Variants in KLHDC2 observed in about 807,000 individuals in gnomAD.
KLHDC2 encodes kelch domain-containing protein 2.
A neutral mutation model predicts 62.3 loss-of-function variants in KLHDC2; 38 were observed. That is an observed-to-expected ratio of 0.61 (90% CI 0.47 to 0.80). The LOEUF is 0.80. Among genes scored for constraint, KLHDC2 ranks in the 30% least tolerant of loss-of-function variants. The pLI is 0.00. For synonymous variants in KLHDC2, 159 were observed against 161.0 expected (o/e 0.99, Z 0.09); for missense variants, 430 against 495.3 (o/e 0.87, Z 1.25).
At chr14:49,779,030 T>C (rs1889831271) in intron 6 of KLHDC2, among the ~76,000 whole-genome samples, 1 of 152,170 alleles carries the variant, frequency 6.6e-6, no homozygotes. Context: ...ACCTATCTAA[T>C]ACACTTTACG....
intron 2 of KLHDC2, among the ~76,000 whole-genome samples, chr14:49,773,903 C>T (rs1379040575): frequency 6.6e-6 from 1 of 152,106 alleles, no homozygotes; most frequent in Non-Finnish European, 1.5e-5. Context: ...AAAAAATGAG[C>T]CTTCTAAAAC....
Position 49,768,540 on chromosome 14 carries a change from G to A in KLHDC2, c.72G>A (p.Met24Ile), listed in dbSNP as rs1460911240. 1 of 1,610,640 alleles carries A rather than the reference G, an allele frequency of 6.2e-7. No individual in the cohort carries two copies. The highest frequency in any genetic ancestry group is 8.5e-7 in the Non-Finnish European group (1 of 1,178,892). Residue 24 changes from methionine to isoleucine, a missense_variant, in exon 1 of 13, where the codon ATG becomes ATA. Met to Ile is a conservative substitution (Grantham distance 10). Coordinates refer to ENST00000298307, the MANE Select transcript of KLHDC2 (RefSeq NM_014315.3). ...PGPAFESYES[M>I]ELACPAERSG... ...CAGCCTTCGAGAGCTATGAGTCCAT[G>A]GAGCTTGCCTGCCCCGCTGAGCGCA...
chr14:49,782,847 TCATTTGCTTTAA>T lies in KLHDC2; in HGVS notation c.1116_1127del (p.Ile373_Lys376del). The T allele has an allele frequency of 6.2e-7, 1 of 1,613,834 alleles. No individual in the cohort carries two copies. The highest frequency in any genetic ancestry group is 8.5e-7 in the Non-Finnish European group (1 of 1,179,830). Reference sequence around the variant, plus strand: ...ACTTTCAGGCTAAGCTTAGAAGCAGTCATTTGCTTTAAAGAAATGTTAGCCAACTCATGGAAC... The same window carrying T: ...ACTTTCAGGCTAAGCTTAGAAGCAGTAGAAATGTTAGCCAACTCATGGAAC... On this transcript the variant is annotated inframe_deletion, in exon 13 of 13. Coordinates refer to ENST00000298307, the MANE Select transcript of KLHDC2 (RefSeq NM_014315.3).
chr14:49,777,287 T>C (rs1231936706), intron 3 of KLHDC2, among the ~76,000 whole-genome samples: 3 of 152,066 alleles, frequency 2.0e-5, no homozygotes, highest in Non-Finnish European at 2.9e-5. Flanking sequence ...AGACTACACA[T>C]TGGGTACAGT....
At position 49,785,375 on chromosome 14, in the gene KLHDC2, A is replaced by T. The variant is rs1271319202; in HGVS notation, c.*2422A>T. 6 of 1,165,574 alleles carry T rather than the reference A, an allele frequency of 5.1e-6. No homozygotes were observed. The highest frequency in any genetic ancestry group is 7.8e-6 in the Non-Finnish European group (6 of 772,600). The allele number at this position is 1,165,574 out of a possible 1,614,324, so 72.2% of individuals were successfully genotyped here. The stretch of plus-strand genomic sequence containing the variant: ...CAATTTATACCGCCCTTTACAAAAA[A>T]TGCTAAAACACTTGAATTAGTATCT... On this transcript the variant is annotated 3_prime_UTR_variant, in exon 13 of 13. Coordinates refer to ENST00000298307, the MANE Select transcript of KLHDC2 (RefSeq NM_014315.3).
At position 49,777,731 on chromosome 14, in the gene KLHDC2, T is replaced by C. The variant is rs1889802600; in HGVS notation, c.352-108T>C. The C allele has an allele frequency of 1.1e-5, 7 of 614,798 alleles. No homozygotes were observed. The Middle Eastern group carries it at 9.0e-4, about 79-fold the overall frequency. The allele number at this position is 614,798 out of a possible 1,614,324, so 38.1% of individuals were successfully genotyped here. ...AGCCAGTCTGCAGTCACAATTTCAG[T>C]AGCACTGAATTAGATGGCACTCTTA... On this transcript the variant is annotated intron_variant, in intron 3 of 12. Transcript: ENST00000298307.
rs750242922 is a variant in KLHDC2, at chr14:49,784,706, T to C, written c.*1753T>C. On this transcript the variant is annotated 3_prime_UTR_variant, in exon 13 of 13. Coordinates refer to ENST00000298307, the MANE Select transcript of KLHDC2 (RefSeq NM_014315.3). Reference sequence around the variant, plus strand: ...TTTGCCAGGAATGTTTCTTGATAAATCTGTGTCCTAAAAAAAGAAAATTGC... The same window carrying C: ...TTTGCCAGGAATGTTTCTTGATAAACCTGTGTCCTAAAAAAAGAAAATTGC... The C allele has an allele frequency of 1.2e-6, 2 of 1,612,512 alleles. No homozygotes were observed. Among genetic ancestry groups the C allele is most frequent in the Admixed American group, 1.7e-5 (1 of 59,902 alleles).
At chr14:49,779,712 A>G (rs769084160) in intron 7 of KLHDC2, 36 bp from the exon 8 acceptor site, 12 of 1,610,672 alleles carry the variant, frequency 7.5e-6, no homozygotes, top group Non-Finnish European at 1.0e-5. Context: ...TTGCTTTTGA[A>G]TTCTTCAAAA....
chr14:49,780,408 G>C (rs1328947540), intron 9 of KLHDC2, 86 bp downstream of exon 9: 15 of 928,270 alleles, frequency 1.6e-5, no homozygotes, highest in Non-Finnish European at 2.6e-5. Flanking sequence ...AGACTGATGA[G>C]ACGGCTTATA....
In KLHDC2 at chr14:49,779,750, T is replaced by C; in HGVS notation, c.717T>C (p.Asp239=). 6.2e-7 allele frequency: 1 copy of C among 1,610,584 alleles called. No homozygotes were observed. Among genetic ancestry groups the C allele is most frequent in the Non-Finnish European group, 8.5e-7 (1 of 1,177,276 alleles). ...RGFVFGGRYR[D]ARMNDLHYLN... ...ATAACTTAATTATCCTTTTTTAGGA[T>C]GCTAGAATGAATGATCTTCACTATC... The change falls in exon 8 of 13, where the codon GAT becomes GAC. Residue 239 remains aspartate (D), a splice_region_variant and synonymous_variant. Coordinates refer to ENST00000298307, the MANE Select transcript of KLHDC2 (RefSeq NM_014315.3).
At chr14:49,769,436 C>G (rs563065977) in intron 1 of KLHDC2, among the ~76,000 whole-genome samples, 1 of 152,294 alleles carries the variant, frequency 6.6e-6, no homozygotes, top group African/African-American at 2.4e-5. Context: ...TGTTCTCCGC[C>G]CTCCCCACGC....
chr14:49,769,041 G>A (rs1165391566), intron 1 of KLHDC2: 5 of 159,974 alleles, frequency 3.1e-5, no homozygotes, highest in Non-Finnish European at 6.8e-5. Flanking sequence ...GCTGGGAACC[G>A]CTGCCCACTT....
intron 10 of KLHDC2, among the ~76,000 whole-genome samples, chr14:49,781,119 T>C (rs1435582205): frequency 4.6e-5 from 7 of 152,138 alleles, no homozygotes; most frequent in Non-Finnish European, 1.0e-4. Flanking sequence ...ATGCCGGTAA[T>C]CCCAGCACTT....
chr14:49,782,925 T>C lies in KLHDC2; in HGVS notation c.1193T>C (p.Phe398Ser). 6.2e-7 allele frequency: 1 copy of C among 1,613,592 alleles called. No individual in the cohort carries two copies. The part of the protein sequence containing the change: ...KHLLHSVNQR[F>S]GSNNTSGS ...TTACTTCACAGTGTTAATCAGAGGT[T>C]TGGTAGTAACAACACTTCTGGATCT... The change falls in exon 13 of 13, where the codon TTT becomes TCT. Residue 398 changes from phenylalanine to serine, a missense_variant. By Grantham distance (155) the Phe-to-Ser change is radical. Coordinates refer to ENST00000298307, the MANE Select transcript of KLHDC2 (RefSeq NM_014315.3).
In KLHDC2 at chr14:49,783,761, A is replaced by AAATT. The variant is rs1344646856; in HGVS notation, c.*811_*814dup. 1.3e-5 allele frequency: 2 copies of AAATT among 152,282 alleles called. No individual in the cohort carries two copies. Among genetic ancestry groups the AAATT allele is most frequent in the Non-Finnish European group, 1.5e-5 (1 of 68,016 alleles). The allele number at this position is 152,282 out of a possible 1,614,324, so 9.4% of individuals were successfully genotyped here. A position where few individuals can be genotyped will look rare whatever the true frequency, so the allele number is the denominator to read the frequency against. On this transcript the variant is annotated 3_prime_UTR_variant, in exon 13 of 13. Transcript: ENST00000298307. ...AGAACTGAATCAGATTACAAGGAAAAAATTAAGATCAAACCTGAAGGTCTA... is the reference window on the plus strand; with the variant it reads ...AGAACTGAATCAGATTACAAGGAAAAAATTAATTAAGATCAAACCTGAAGGTCTA...
At chr14:49,773,133 G>T (rs1889697597) in intron 2 of KLHDC2, among the ~76,000 whole-genome samples, 1 of 151,982 alleles carries the variant, frequency 6.6e-6, no homozygotes, top group Non-Finnish European at 1.5e-5. Context: ...TTTTTAAGGG[G>T]CCGGGCACGG....
At chr14:49,773,819 A>G (rs1220647477) in intron 2 of KLHDC2, among the ~76,000 whole-genome samples, 5 of 151,858 alleles carry the variant, frequency 3.3e-5, no homozygotes, top group Non-Finnish European at 5.9e-5. Flanking sequence ...CTTGTGATCC[A>G]CCTGCCTCAG....
intron 2 of KLHDC2, among the ~76,000 whole-genome samples, chr14:49,773,408 C>T (rs2139791845): frequency 2.4e-5 from 1 of 41,796 alleles, no homozygotes; most frequent in South Asian, 1.6e-3. Context: ...AGTCAGACTC[C>T]ATCTCAAAAA....
rs1387629847 is a variant in KLHDC2, at chr14:49,768,733, C to G, written c.153+112C>G. On this transcript the variant is annotated intron_variant, in intron 1 of 12. Transcript: ENST00000298307. ...CGCCGAGGGCGCTCCCCGCCTGCGT[C>G]GCGCGCCCCACCTCAGACTCTGCCC... 3.9e-6 allele frequency: 4 copies of G among 1,016,504 alleles called. No homozygotes were observed. The East Asian group carries it at 1.2e-4, about 32-fold the overall frequency. The allele number at this position is 1,016,504 out of a possible 1,614,324, so 63.0% of individuals were successfully genotyped here.
Sources: gnomAD v4.1 joint callset for allele counts (sites outside exome capture counted in the v4.1 genomes callset) on GRCh38, gnomAD v4.1.1 for gene constraint, MANE v1.5 for transcripts, NCBI Gene and HGNC (gene_info 2026-07-23, HGNC 2026-07-21) for gene names.